Variants in CACNA2D1 observed in about 807,000 individuals in gnomAD.
CACNA2D1 encodes voltage-dependent calcium channel subunit alpha-2/delta-1.
Under a neutral mutation model 171.5 loss-of-function variants are expected in CACNA2D1, and 53 were observed. That is an observed-to-expected ratio of 0.31 (90% CI 0.25 to 0.39). The LOEUF is 0.39. CACNA2D1 is among the 10% of genes least tolerant of loss of function. The probability of loss-of-function intolerance (pLI) is 1.00; values close to 1 mark genes in which losing one functional copy is unlikely to be tolerated. For missense variants in CACNA2D1, 903 were observed against 1,299.8 expected (o/e 0.69, Z 4.69); for synonymous variants, 442 against 443.1 (o/e 1.00, Z 0.03).
intron 38 of CACNA2D1, among the ~76,000 whole-genome samples, chr7:81,953,269 C>T (rs375116606): frequency 6.6e-6 from 1 of 152,104 alleles, no homozygotes; most frequent in African/African-American, 2.4e-5. Context: ...GTCTTCTTAA[C>T]ACCACACATT....
At chr7:82,018,179 G>T (rs1800740459) in intron 12 of CACNA2D1, among the ~76,000 whole-genome samples, 1 of 152,130 alleles carries the variant, frequency 6.6e-6, no homozygotes, top group Admixed American at 6.5e-5. Flanking sequence ...CTGGAGTACA[G>T]GTCTTCAACA....
intron 1 of CACNA2D1, among the ~76,000 whole-genome samples, chr7:82,387,536 A>G (rs1824546384): frequency 6.6e-6 from 1 of 152,226 alleles, no homozygotes; most frequent in Non-Finnish European, 1.5e-5. Flanking sequence ...GGAAGTGCCA[A>G]GGGTGATAAA....
At chr7:81,972,040 T>C (rs1795334977) in intron 25 of CACNA2D1, among the ~76,000 whole-genome samples, 176 bp from the exon 26 acceptor site, 1 of 151,744 alleles carries the variant, frequency 6.6e-6, no homozygotes, top group Non-Finnish European at 1.5e-5. Context: ...CTCACAGTTT[T>C]TCAGGAAATG....
chr7:81,999,517 T>C (rs2130816275), intron 18 of CACNA2D1, among the ~76,000 whole-genome samples: 1 of 152,318 alleles, frequency 6.6e-6, no homozygotes, highest in African/African-American at 2.4e-5. Flanking sequence ...AATTACTAGA[T>C]AGTATTACAA....
intron 3 of CACNA2D1, among the ~76,000 whole-genome samples, chr7:82,330,776 T>G (rs1817215075): frequency 6.6e-6 from 1 of 152,154 alleles, no homozygotes; most frequent in Non-Finnish European, 1.5e-5. Flanking sequence ...ACTACTTAGC[T>G]TCATTTCTTC....
At chr7:82,075,284 C>T (rs1226151232) in intron 7 of CACNA2D1, among the ~76,000 whole-genome samples, 1 of 151,508 alleles carries the variant, frequency 6.6e-6, no homozygotes, top group Admixed American at 6.6e-5. Context: ...AGATAACACA[C>T]TTAAAGCATT....
intron 6 of CACNA2D1, among the ~76,000 whole-genome samples, chr7:82,087,517 GC>G (rs1285376322): frequency 6.7e-6 from 1 of 150,022 alleles, no homozygotes; most frequent in Non-Finnish European, 1.5e-5. Flanking sequence ...GGATAAAACT[GC>G]TTCACTAGGA....
At chr7:82,290,857 A>G (rs1386943527) in intron 3 of CACNA2D1, among the ~76,000 whole-genome samples, 1 of 151,690 alleles carries the variant, frequency 6.6e-6, no homozygotes, top group Non-Finnish European at 1.5e-5. Flanking sequence ...CGGCCTCCCA[A>G]AGTGCTGGGA....
chr7:82,229,686 T>TTTTTATTTTATTTTATTTTA (rs142135248), intron 3 of CACNA2D1, among the ~76,000 whole-genome samples: 4,523 of 147,888 alleles, frequency 0.031, 87 homozygotes, highest in Non-Finnish European at 0.039. Flanking sequence ...ACTTTTTTTA[T>TTTTTATTTTATTTTATTTTA]TTTTATTTTA....
At chr7:82,396,369 T>TC (rs1198054781) in intron 1 of CACNA2D1, among the ~76,000 whole-genome samples, 1 of 152,156 alleles carries the variant, frequency 6.6e-6, no homozygotes, top group Non-Finnish European at 1.5e-5. Context: ...TCTTTCCAAA[T>TC]CCAGGTTTTG....
At position 81,971,763 on chromosome 7, in the gene CACNA2D1, GAACA is replaced by G. The variant is rs773095610; in HGVS notation, c.2141+10_2141+13del. On this transcript the variant is annotated intron_variant, in intron 26 of 38. Transcript: ENST00000356860. ...GCAGAATACATATTTTTATTAATAA[GAACA>G]AATACTTACATATTTTTCTGCTTAC... 5.3e-5 allele frequency: 75 copies of G among 1,424,476 alleles called. No homozygotes were observed. The highest frequency in any genetic ancestry group is 6.9e-5 in the East Asian group (3 of 43,732). 88.2% of individuals were successfully genotyped at this position (1,424,476 alleles called of 1,614,324 possible).
chr7:82,391,303 T>G (rs1055193746), intron 1 of CACNA2D1, among the ~76,000 whole-genome samples: 1 of 152,222 alleles, frequency 6.6e-6, no homozygotes, highest in African/African-American at 2.4e-5. Flanking sequence ...GTACTTTGCA[T>G]GCTTTATGTG....
chr7:82,348,510 T>G (rs946071732), intron 2 of CACNA2D1, among the ~76,000 whole-genome samples: 1 of 152,186 alleles, frequency 6.6e-6, no homozygotes. Flanking sequence ...AATCTGATCA[T>G]TGTTATTCGC....
intron 3 of CACNA2D1, among the ~76,000 whole-genome samples, chr7:82,330,114 A>C (rs576464237): frequency 6.6e-6 from 1 of 152,186 alleles, no homozygotes; most frequent in South Asian, 2.1e-4. Flanking sequence ...ATAGCAACTA[A>C]AAGGTTTTGA....
chr7:82,050,812 G>C, intron 10 of CACNA2D1: 1 of 547,810 alleles, frequency 1.8e-6, no homozygotes, highest in Non-Finnish European at 3.3e-6. Context: ...CATTTCACTT[G>C]GTACTCAACA....
At chr7:82,414,804 C>T (rs1563520681) in intron 1 of CACNA2D1, among the ~76,000 whole-genome samples, 2 of 152,308 alleles carry the variant, frequency 1.3e-5, no homozygotes, top group Admixed American at 1.3e-4. Context: ...TGTCCATACA[C>T]CCTAGAAGTG....
rs1822771205 is a variant in CACNA2D1, at chr7:82,374,389, C to T, written c.96-24740G>A. ...CAAATCAGAGCGTACAGACACGGCT[C>T]TATTTGTAATAGGTTGACTTAATTG... On this transcript the variant is annotated intron_variant, in intron 1 of 38. Transcript: ENST00000356860. Among the ~76,000 whole-genome samples the T allele has an allele frequency of 3.3e-5, 5 of 152,296 alleles. No homozygotes were observed. The South Asian group carries it at 1.0e-3, about 32-fold the overall frequency.
intron 24 of CACNA2D1, among the ~76,000 whole-genome samples, chr7:81,975,402 A>G (rs1368264683): frequency 6.6e-6 from 1 of 152,164 alleles, no homozygotes; most frequent in African/African-American, 2.4e-5. Flanking sequence ...AATTCCTGAC[A>G]AGAGAAGACA....
At chr7:82,269,854 G>A (rs975227294) in intron 3 of CACNA2D1, among the ~76,000 whole-genome samples, 1 of 152,060 alleles carries the variant, frequency 6.6e-6, no homozygotes, top group African/African-American at 2.4e-5. Flanking sequence ...TATTATTAGA[G>A]TGCTTCAGTA....
Sources: allele counts gnomAD v4.1 joint callset (sites outside exome capture counted in the v4.1 genomes callset), GRCh38; gene constraint gnomAD v4.1.1; transcripts MANE v1.5; gene names NCBI Gene and HGNC (gene_info 2026-07-23, HGNC 2026-07-21).